Variants in XKR9 observed in about 807,000 individuals in gnomAD.
XKR9 encodes XK-related protein 9.
In XKR9, 32 loss-of-function variants were observed where a neutral mutation model predicts 32.0. The observed-to-expected ratio is 1.00, with a 90% CI of 0.76 to 1.34. The LOEUF (loss-of-function observed/expected upper bound fraction) is 1.34, where lower values mean the gene tolerates loss of function less well. Ranked by LOEUF, XKR9 falls within the 40% of genes most tolerant of loss-of-function variation. XKR9 has a pLI of 0.00. For synonymous variants in XKR9, 168 were observed against 143.4 expected (o/e 1.17, Z -1.22); for missense variants, 546 against 429.7 (o/e 1.27, Z -2.39).
intron 3 of XKR9, among the ~76,000 whole-genome samples, chr8:70,687,315 T>C (rs557964658): frequency 1.4e-4 from 12 of 84,996 alleles, no homozygotes; most frequent in Middle Eastern, 6.4e-3. Context: ...CTCCTCCCTC[T>C]TTCTTTCTTT....
the XKR9 span, among the ~76,000 whole-genome samples, chr8:71,003,929 G>A: frequency 6.6e-6 from 1 of 152,214 alleles, no homozygotes; most frequent in East Asian, 1.9e-4. Context: ...GAGAGCATGA[G>A]CTTTGTGTGG....
chr8:70,897,570 G>T, the XKR9 span, among the ~76,000 whole-genome samples: 2 of 152,086 alleles, frequency 1.3e-5, no homozygotes, highest in Non-Finnish European at 2.9e-5. Context: ...TTGGATAAAA[G>T]CCATTTTAAC....
chr8:70,818,177 G>T, the XKR9 span, among the ~76,000 whole-genome samples: 1 of 146,650 alleles, frequency 6.8e-6, no homozygotes, highest in East Asian at 1.9e-4. Context: ...TTTTGTTGTT[G>T]TTGTTTTTTT....
chr8:70,677,669 C>A (rs1818929500), intron 2 of XKR9, among the ~76,000 whole-genome samples: 1 of 152,162 alleles, frequency 6.6e-6, no homozygotes, highest in East Asian at 1.9e-4. Flanking sequence ...AGGACCTAAG[C>A]ATTGGAGGCA....
the XKR9 span, among the ~76,000 whole-genome samples, chr8:71,043,254 G>T: frequency 1.3e-5 from 2 of 152,238 alleles, no homozygotes; most frequent in East Asian, 3.9e-4. Context: ...GGTTTCTTTT[G>T]TTTCTGTTCT....
chr8:70,755,876 A>G (rs1807216699), intron 2 of XKR9, among the ~76,000 whole-genome samples: 1 of 148,156 alleles, frequency 6.7e-6, no homozygotes, highest in Non-Finnish European at 1.5e-5. Flanking sequence ...TAATCTGCAC[A>G]TTGTGCACAT....
chr8:70,900,326 G>A, the XKR9 span, among the ~76,000 whole-genome samples: 72 of 152,128 alleles, frequency 4.7e-4, no homozygotes, highest in African/African-American at 7.2e-4. Context: ...TGCAGTGCTC[G>A]CGCTTGTAAT....
chr8:70,853,100 C>T, the XKR9 span, among the ~76,000 whole-genome samples: 1 of 152,026 alleles, frequency 6.6e-6, no homozygotes, highest in African/African-American at 2.4e-5. Flanking sequence ...TTTGCAACAA[C>T]ATGGATGGAA....
chr8:70,918,058 G>A, the XKR9 span, among the ~76,000 whole-genome samples: 2 of 152,194 alleles, frequency 1.3e-5, no homozygotes, highest in Admixed American at 1.3e-4. Flanking sequence ...AAATTGGTGT[G>A]GAAAGCGTTG....
At chr8:70,972,137 T>C in the XKR9 span, among the ~76,000 whole-genome samples, 2 of 152,054 alleles carry the variant, frequency 1.3e-5, no homozygotes, top group Admixed American at 1.3e-4. Flanking sequence ...TTTCTTTCAG[T>C]AGCATTTTGT....
intron 2 of XKR9, among the ~76,000 whole-genome samples, chr8:70,768,952 T>C (rs1244667534): frequency 6.6e-6 from 1 of 152,190 alleles, no homozygotes; most frequent in Non-Finnish European, 1.5e-5. Flanking sequence ...TTGTTATGTG[T>C]GAATTTGATG....
the XKR9 span, among the ~76,000 whole-genome samples, chr8:70,925,478 A>C: frequency 6.6e-6 from 1 of 152,216 alleles, no homozygotes; most frequent in African/African-American, 2.4e-5. Flanking sequence ...CTATAAATTA[A>C]CTGTGGAAGC....
chr8:71,057,731 T>G, the XKR9 span, among the ~76,000 whole-genome samples: 1 of 152,166 alleles, frequency 6.6e-6, no homozygotes. Context: ...TACCACTGCT[T>G]GGTGGTACAT....
chr8:70,935,101 G>GTATATA, the XKR9 span, among the ~76,000 whole-genome samples: 910 of 138,960 alleles, frequency 6.5e-3, 9 homozygotes, highest in African/African-American at 0.021. Flanking sequence ...TGTTTCTTCA[G>GTATATA]TATATATATA....
the XKR9 span, among the ~76,000 whole-genome samples, chr8:70,873,790 G>A: frequency 1.3e-5 from 2 of 152,198 alleles, no homozygotes; most frequent in African/African-American, 2.4e-5. Context: ...AGTTTGAGAG[G>A]ACTTACTCCA....
the XKR9 span, among the ~76,000 whole-genome samples, chr8:70,951,362 G>A: frequency 3.6e-3 from 542 of 152,360 alleles, 7 homozygotes; most frequent in African/African-American, 0.012. Context: ...AGCTGCCAAG[G>A]TTGTGGGGTG....
At chr8:70,755,284 A>T (rs1807203980) in intron 2 of XKR9, among the ~76,000 whole-genome samples, 1 of 152,304 alleles carries the variant, frequency 6.6e-6, no homozygotes, top group Non-Finnish European at 1.5e-5. Flanking sequence ...GATGTGGAGA[A>T]ATAGGAACAC....
the XKR9 span, among the ~76,000 whole-genome samples, chr8:71,028,124 A>G: frequency 2.6e-5 from 4 of 152,242 alleles, no homozygotes; most frequent in South Asian, 8.3e-4. Context: ...TTTGATAAGG[A>G]TTGCATTGAA....
the XKR9 span, among the ~76,000 whole-genome samples, chr8:70,898,873 T>G: frequency 6.6e-6 from 1 of 152,228 alleles, no homozygotes; most frequent in Admixed American, 6.5e-5. Context: ...CTGATGAGAG[T>G]TCTGCAGTCA....
Sources: allele counts gnomAD v4.1 joint callset (sites outside exome capture counted in the v4.1 genomes callset), GRCh38; gene constraint gnomAD v4.1.1; transcripts MANE v1.5; gene names NCBI Gene and HGNC (gene_info 2026-07-23, HGNC 2026-07-21).